TTI1: variants seen among roughly 807,000 people sequenced by gnomAD.
TTI1 encodes TELO2 interacting protein 1.
In TTI1, 52 loss-of-function variants were observed where a neutral mutation model predicts 85.4. The ratio of observed to expected loss-of-function variants is 0.61; its 90% CI spans 0.49 to 0.77. TTI1 has a LOEUF of 0.77. Among genes scored for constraint, TTI1 ranks in the 30% least tolerant of loss-of-function variants. The pLI, the probability that TTI1 is intolerant of heterozygous loss-of-function variation, is 0.00. For missense variants in TTI1, 1,173 were observed against 1,296.0 expected (o/e 0.91, Z 1.46); for synonymous variants, 512 against 503.9 (o/e 1.02, Z -0.22).
chr20:38,001,703 A>G (rs2073427771), intron 4 of TTI1, among the ~76,000 whole-genome samples: 1 of 152,102 alleles, frequency 6.6e-6, no homozygotes, highest in Non-Finnish European at 1.5e-5. Context: ...GTGAGTCACT[A>G]AGGCAGTTGT....
rs2073145890 is a variant in TTI1, at chr20:37,983,329, A to G, written c.*127T>C. ...CAGTTGTGTGATCGATCAATTTATA[A>G]ATCGATTGGCTAACTAATTCACCTT... On this transcript the variant is annotated 3_prime_UTR_variant, in exon 8 of 8. Coordinates refer to ENST00000373447, the MANE Select transcript of TTI1 (RefSeq NM_001303457.2). 4 of 895,262 alleles carry G rather than the reference A, an allele frequency of 4.5e-6. No individual in the cohort carries two copies. The highest frequency in any genetic ancestry group is 6.6e-6 in the Non-Finnish European group (4 of 606,320). The allele number at this position is 895,262 out of a possible 1,614,324, so 55.5% of individuals were successfully genotyped here. A position where few individuals can be genotyped will look rare whatever the true frequency, so the allele number is the denominator to read the frequency against.
chr20:37,984,722 C>T (rs1265622393), intron 7 of TTI1, among the ~76,000 whole-genome samples: 1 of 152,194 alleles, frequency 6.6e-6, no homozygotes, highest in Non-Finnish European at 1.5e-5. Flanking sequence ...TTTCAGGACA[C>T]CTTTCCTAGC....
chr20:38,007,335 C>T (rs1419241658), intron 2 of TTI1, among the ~76,000 whole-genome samples: 1 of 152,166 alleles, frequency 6.6e-6, no homozygotes, highest in East Asian at 1.9e-4. Context: ...TCAAATACCT[C>T]TGGTAAGTCA....
chr20:37,997,014 A>T, intron 5 of TTI1, 61 bp from the exon 6 acceptor site: 1 of 1,550,204 alleles, frequency 6.5e-7, no homozygotes. Flanking sequence ...AGAGCTAAAG[A>T]ATGCTTGGTA....
At chr20:37,987,142 G>C (rs2073201854) in intron 7 of TTI1, 2 of 456,572 alleles carry the variant, frequency 4.4e-6, no homozygotes, top group Admixed American at 2.3e-5. Context: ...TGGGAGCTGA[G>C]CCTGAGGCCC....
chr20:38,019,067 T>C (rs1335761577), intron 1 of TTI1: 1 of 151,886 alleles, frequency 6.6e-6, no homozygotes, highest in African/African-American at 2.4e-5. Context: ...GAAGGATCGA[T>C]TGAGCCTGGG....
In TTI1 at chr20:38,011,089, C is replaced by T. The variant is rs149236810; in HGVS notation, c.2302+426G>A. 6.9e-3 allele frequency among the ~76,000 whole-genome samples: 1,055 copies of T among 152,256 alleles called. 5 individuals are homozygous for T. Among genetic ancestry groups the T allele is most frequent in the African/African-American group, 0.02 (839 of 41,552 alleles). On this transcript the variant is annotated intron_variant, in intron 2 of 7. Transcript: ENST00000373447. ...AGACAATATGTGACTGAATAATTCACGTTATATCTGTTCTTCATTAGCATA... is the reference window on the plus strand; with the variant it reads ...AGACAATATGTGACTGAATAATTCATGTTATATCTGTTCTTCATTAGCATA...
At chr20:38,008,111 AG>A (rs1475055945) in intron 2 of TTI1, among the ~76,000 whole-genome samples, 2 of 152,236 alleles carry the variant, frequency 1.3e-5, no homozygotes, top group Non-Finnish European at 2.9e-5. Flanking sequence ...GGATTAGCAA[AG>A]ATCAAAAGCT....
rs1439587321 is a variant in TTI1, at chr20:38,012,700, T to C, written c.1117A>G (p.Ile373Val). ...AGGGAATGCAGGCTTTCTGACAAGATGTCAGCGAGGGCTTTGTTGCCCACC... is the reference window on the plus strand; with the variant it reads ...AGGGAATGCAGGCTTTCTGACAAGACGTCAGCGAGGGCTTTGTTGCCCACC... ...VVVGNKALADILSESLHSLAT... is the reference protein window; with the variant it reads ...VVVGNKALADVLSESLHSLAT... Residue 373 changes from isoleucine (I) to valine (V), a missense_variant, in exon 2 of 8, where the codon ATC (isoleucine) becomes GTC (valine). Ile to Val is a conservative substitution (Grantham distance 29, BLOSUM62 3). Coordinates refer to ENST00000373447, the MANE Select transcript of TTI1 (RefSeq NM_001303457.2). 1.2e-6 allele frequency: 2 copies of C among 1,614,254 alleles called. No individual in the cohort carries two copies. The highest frequency in any genetic ancestry group is 3.3e-5 in the Admixed American group (2 of 60,036).
At chr20:37,988,151 C>A (rs372976783) in intron 7 of TTI1, among the ~76,000 whole-genome samples, 1 of 152,226 alleles carries the variant, frequency 6.6e-6, no homozygotes, top group Non-Finnish European at 1.5e-5. Context: ...ATCACAGAGG[C>A]CCATGGCACA....
chr20:38,018,142 G>A (rs2073710884), intron 1 of TTI1, among the ~76,000 whole-genome samples: 1 of 152,186 alleles, frequency 6.6e-6, no homozygotes, highest in African/African-American at 2.4e-5. Flanking sequence ...ACAGACATTA[G>A]AAGCAGACCT....
intron 1 of TTI1, among the ~76,000 whole-genome samples, chr20:38,020,125 AG>A (rs1222174408): frequency 6.6e-6 from 1 of 151,854 alleles, no homozygotes; most frequent in East Asian, 1.9e-4. Flanking sequence ...TTTACTATAA[AG>A]ATACAATAAT....
In TTI1 at chr20:38,012,633, T is replaced by C; in HGVS notation, c.1184A>G (p.Gln395Arg). 6.2e-7 allele frequency: 1 copy of C among 1,614,220 alleles called. No homozygotes were observed. Among genetic ancestry groups the C allele is most frequent in the Non-Finnish European group, 8.5e-7 (1 of 1,180,042 alleles). Residue 395 changes from glutamine to arginine, a missense_variant, in exon 2 of 8, where the codon CAG (glutamine) becomes CGG (arginine). Physicochemically the swap from Gln to Arg is conservative, Grantham distance 43 (BLOSUM62 1). Transcript: ENST00000373447. ...LPRLMNSQDD[Q>R]GKFSTLSLLL... ...CAAGGAAAGAGTAGAGAATTTGCCC[T>C]GGTCATCTTGGGAGTTCATTAGGCG...
At position 37,983,054 on chromosome 20, in the gene TTI1, T is replaced by G. The variant is rs181698999; in HGVS notation, c.*402A>C. 255 of 156,892 alleles carry G rather than the reference T, an allele frequency of 1.6e-3. No individual in the cohort carries two copies. The highest frequency in any genetic ancestry group is 2.5e-3 in the Non-Finnish European group (177 of 70,856). 9.7% of individuals were successfully genotyped at this position (156,892 alleles called of 1,614,324 possible). A position where few individuals can be genotyped will look rare whatever the true frequency, so the allele number is the denominator to read the frequency against. On this transcript the variant is annotated 3_prime_UTR_variant, in exon 8 of 8. Coordinates refer to ENST00000373447, the MANE Select transcript of TTI1 (RefSeq NM_001303457.2). ...ATCCAAGAAGTGTCTTTATTTCCGT[T>G]TGTTTCCCAAAGATCAGGTTAGGTA...
In TTI1 at chr20:38,011,908, A is replaced by G; in HGVS notation, c.1909T>C (p.Phe637Leu). Residue 637 changes from phenylalanine to leucine, a missense_variant, in exon 2 of 8, where the codon TTT becomes CTT. Transcript: ENST00000373447. ...AAGTCTTTTCCTAGTGCATATGCAA[A>G]CTGGCCAATTCCTTCCAACTGAATG... is the stretch of plus-strand genomic sequence containing the variant. ...ICIQLEGIGQ[F>L]AYALGKDFCL... 2 of 1,614,228 alleles carry G rather than the reference A, an allele frequency of 1.2e-6. No individual in the cohort carries two copies. Among genetic ancestry groups the G allele is most frequent in the Non-Finnish European group, 1.7e-6 (2 of 1,180,036 alleles).
intron 2 of TTI1, among the ~76,000 whole-genome samples, chr20:38,010,100 T>A (rs2073561008): frequency 6.6e-6 from 1 of 152,246 alleles, no homozygotes; most frequent in Non-Finnish European, 1.5e-5. Flanking sequence ...GCACAGTGTC[T>A]GACATATGGC....
intron 4 of TTI1, 89 bp from the exon 5 acceptor site, chr20:37,999,417 A>C: frequency 7.7e-7 from 1 of 1,291,136 alleles, no homozygotes; most frequent in Non-Finnish European, 1.0e-6. Context: ...AACATTTAGA[A>C]ACGTATTAAT....
rs147229527 is a variant in TTI1, at chr20:38,027,911, G to A, written c.-42+5493C>T. On this transcript the variant is annotated intron_variant, in intron 1 of 7. Transcript: ENST00000373447. ...TGAACTCTAGCCTGGGTGACAGAGCGAGGCTCCATCTCAAAAAAAAAGAAA... is the reference window on the plus strand; with the variant it reads ...TGAACTCTAGCCTGGGTGACAGAGCAAGGCTCCATCTCAAAAAAAAAGAAA... Among the ~76,000 whole-genome samples the A allele has an allele frequency of 2.1e-3, 319 of 152,154 alleles. 1 individual carries two copies. The highest frequency in any genetic ancestry group is 7.1e-3 in the African/African-American group (295 of 41,500).
chr20:38,023,253 A>G (rs2073793480), intron 1 of TTI1, among the ~76,000 whole-genome samples: 1 of 152,192 alleles, frequency 6.6e-6, no homozygotes, highest in Non-Finnish European at 1.5e-5. Flanking sequence ...GCCTGACTCC[A>G]AAGGCTGTAT....
Sources: gnomAD v4.1 joint callset for allele counts (sites outside exome capture counted in the v4.1 genomes callset) on GRCh38, gnomAD v4.1.1 for gene constraint, MANE v1.5 for transcripts, NCBI Gene and HGNC (gene_info 2026-07-23, HGNC 2026-07-21) for gene names.